The following MOB1B variants were observed in gnomAD, a reference collection of about 807,000 sequenced individuals.
MOB1B encodes MOB1 Mps One Binder homolog B.
Under a neutral mutation model 24.4 loss-of-function variants are expected in MOB1B, and 19 were observed. That is an observed-to-expected ratio of 0.78 (90% CI 0.54 to 1.14). The LOEUF is 1.14. MOB1B is among the 50% of genes most tolerant of loss of function. MOB1B has a pLI of 0.00. For missense variants in MOB1B, 243 were observed against 259.6 expected (o/e 0.94, Z 0.44); for synonymous variants, 76 against 82.1 (o/e 0.93, Z 0.40).
intron 2 of MOB1B, among the ~76,000 whole-genome samples, chr4:70,968,468 C>T (rs1738626215): frequency 6.6e-6 from 1 of 152,090 alleles, no homozygotes; most frequent in Non-Finnish European, 1.5e-5. Context: ...TGCGCCACCA[C>T]ACCCGGCTAA....
intron 1 of MOB1B, among the ~76,000 whole-genome samples, chr4:70,923,835 A>C (rs1736538811): frequency 6.6e-6 from 1 of 150,984 alleles, no homozygotes; most frequent in Non-Finnish European, 1.5e-5. Flanking sequence ...CTGTAGTCCC[A>C]CCTACTCAGG....
At chr4:70,914,996 GT>G (rs959919180) in intron 1 of MOB1B, among the ~76,000 whole-genome samples, 1 of 152,194 alleles carries the variant, frequency 6.6e-6, no homozygotes, top group Non-Finnish European at 1.5e-5. Flanking sequence ...CTTCAGAAAT[GT>G]TGGGAGGATT....
At chr4:70,942,937 C>A in intron 1 of MOB1B, 2 of 447,316 alleles carry the variant, frequency 4.5e-6, no homozygotes, top group Non-Finnish European at 6.0e-6. Context: ...GGCAGTATTT[C>A]CCTTTAATGT....
At chr4:70,922,564 A>G (rs1375583635) in intron 1 of MOB1B, among the ~76,000 whole-genome samples, 2 of 152,214 alleles carry the variant, frequency 1.3e-5, no homozygotes, top group Non-Finnish European at 2.9e-5. Context: ...CATTTATCTC[A>G]GTGAGACTTT....
At chr4:70,981,649 C>A (rs1739214785) in intron 5 of MOB1B, among the ~76,000 whole-genome samples, 1 of 152,300 alleles carries the variant, frequency 6.6e-6, no homozygotes, top group South Asian at 2.1e-4. Flanking sequence ...GTGTCCAGAT[C>A]ATTCCTTTCA....
intron 2 of MOB1B, 151 bp from the exon 3 acceptor site, chr4:70,969,780 C>T (rs1738681220): frequency 4.4e-6 from 2 of 451,652 alleles, no homozygotes; most frequent in Non-Finnish European, 7.8e-6. Flanking sequence ...ACAAGCTCCT[C>T]ATTTCAATGT....
chr4:70,939,615 C>T (rs545060056), intron 1 of MOB1B, among the ~76,000 whole-genome samples: 21 of 152,246 alleles, frequency 1.4e-4, no homozygotes, highest in South Asian at 2.1e-4. Context: ...TGTGGTGAAA[C>T]GGGAAAGGTT....
At position 70,984,062 on chromosome 4, in the gene MOB1B, A is replaced by G. The variant is rs1259157150; in HGVS notation, c.*2005A>G. Reference sequence around the variant, plus strand: ...ATCAATCTAGTAAAAAAGGAGTTGCAATAGCCAAGTATAGAGAGAATAGTG... The same window carrying G: ...ATCAATCTAGTAAAAAAGGAGTTGCGATAGCCAAGTATAGAGAGAATAGTG... On this transcript the variant is annotated 3_prime_UTR_variant, in exon 6 of 6. Transcript: ENST00000309395. The G allele has an allele frequency of 6.6e-6, 1 of 152,576 alleles. No homozygotes were observed. Among genetic ancestry groups the G allele is most frequent in the Non-Finnish European group, 1.5e-5 (1 of 67,976 alleles). 9.5% of individuals were successfully genotyped at this position (152,576 alleles called of 1,614,324 possible).
chr4:70,930,349 T>C (rs1736841002), intron 1 of MOB1B, among the ~76,000 whole-genome samples: 2 of 152,162 alleles, frequency 1.3e-5, no homozygotes, highest in South Asian at 4.1e-4. Context: ...TTTCACTTAC[T>C]TCTCTTAATT....
chr4:70,906,118 C>A (rs1364280309), intron 1 of MOB1B, among the ~76,000 whole-genome samples: 1 of 147,642 alleles, frequency 6.8e-6, no homozygotes, highest in South Asian at 2.2e-4. Context: ...TGGCTCAGGC[C>A]TGTAATCCCA....
intron 1 of MOB1B, among the ~76,000 whole-genome samples, chr4:70,914,570 T>TA (rs904039012): frequency 5.3e-5 from 8 of 152,214 alleles, no homozygotes; most frequent in Admixed American, 4.6e-4. Context: ...TGGACAGTAC[T>TA]AAAAAATACA....
At chr4:70,949,725 A>T (rs905872451) in intron 1 of MOB1B, among the ~76,000 whole-genome samples, 28 of 151,998 alleles carry the variant, frequency 1.8e-4, no homozygotes, top group Middle Eastern at 3.4e-3. Context: ...TCCTCTCTAT[A>T]AAAAAATACA....
chr4:70,948,661 T>C (rs551743347), intron 1 of MOB1B, among the ~76,000 whole-genome samples: 1 of 152,232 alleles, frequency 6.6e-6, no homozygotes, highest in Non-Finnish European at 1.5e-5. Context: ...AGTTCTTTCA[T>C]GGTGTTGGTT....
chr4:70,956,129 G>A (rs1158561800), intron 1 of MOB1B, among the ~76,000 whole-genome samples: 2 of 152,134 alleles, frequency 1.3e-5, no homozygotes, highest in Non-Finnish European at 2.9e-5. Context: ...CTGCACTCTA[G>A]TGTGGGCCTA....
chr4:70,947,052 T>C (rs1737613558), intron 1 of MOB1B, among the ~76,000 whole-genome samples: 1 of 152,224 alleles, frequency 6.6e-6, no homozygotes, highest in East Asian at 1.9e-4. Context: ...TGATGTCGTT[T>C]GCAGTTTTTT....
intron 1 of MOB1B, among the ~76,000 whole-genome samples, chr4:70,937,423 A>G (rs948978496): frequency 1.3e-5 from 2 of 151,922 alleles, no homozygotes; most frequent in African/African-American, 2.4e-5. Context: ...ATCCTGATTT[A>G]TTGATAAAAC....
chr4:70,955,416 A>T (rs944251689), intron 1 of MOB1B, among the ~76,000 whole-genome samples: 1 of 151,524 alleles, frequency 6.6e-6, no homozygotes, highest in African/African-American at 2.4e-5. Context: ...ATCACACATA[A>T]ATTAGTAAAA....
At chr4:70,920,786 C>G (rs1026943632) in intron 1 of MOB1B, among the ~76,000 whole-genome samples, 1 of 151,992 alleles carries the variant, frequency 6.6e-6, no homozygotes, top group African/African-American at 2.4e-5. Context: ...GGAAATTAGG[C>G]AGAGAAAGAG....
intron 2 of MOB1B, among the ~76,000 whole-genome samples, chr4:70,965,579 CGAG>C (rs1226736694): frequency 6.6e-6 from 1 of 150,496 alleles, no homozygotes; most frequent in East Asian, 1.9e-4. Flanking sequence ...GGGTGGATCA[CGAG>C]GTCAGGAGAT....
Sources: gnomAD v4.1 joint callset for allele counts (sites outside exome capture counted in the v4.1 genomes callset) on GRCh38, gnomAD v4.1.1 for gene constraint, MANE v1.5 for transcripts, NCBI Gene and HGNC (gene_info 2026-07-23, HGNC 2026-07-21) for gene names.